Variants in ADAM10 observed in about 807,000 individuals in gnomAD.
ADAM10 encodes ADAM metallopeptidase domain 10, also known as disintegrin and metalloproteinase domain-containing protein 10.
Under a neutral mutation model 90.1 loss-of-function variants are expected in ADAM10, and 17 were observed. The observed-to-expected ratio is 0.19, with a 90% CI of 0.13 to 0.28. The LOEUF is 0.28. ADAM10 is among the 10% of genes least tolerant of loss of function. ADAM10 has a pLI of 1.00. For synonymous variants in ADAM10, 310 were observed against 298.6 expected (o/e 1.04, Z -0.40); for missense variants, 610 against 914.3 (o/e 0.67, Z 4.29).
At chr15:58,658,139 A>G (rs1896878371) in intron 5 of ADAM10, among the ~76,000 whole-genome samples, 3 of 151,886 alleles carry the variant, frequency 2.0e-5, no homozygotes, top group Non-Finnish European at 4.4e-5. Context: ...TCCTAGTTTT[A>G]GTTTTAGCTT....
chr15:58,703,463 T>C (rs1898188744), intron 2 of ADAM10, among the ~76,000 whole-genome samples: 2 of 152,104 alleles, frequency 1.3e-5, no homozygotes, highest in Admixed American at 6.5e-5. Context: ...AACAGATGAA[T>C]AGGTTTTTTT....
intron 14 of ADAM10, among the ~76,000 whole-genome samples, chr15:58,608,152 C>T (rs1445665826): frequency 1.3e-5 from 2 of 152,068 alleles, no homozygotes; most frequent in Non-Finnish European, 2.9e-5. Context: ...TAGCAGCAGT[C>T]AATAACCCAT....
intron 1 of ADAM10, among the ~76,000 whole-genome samples, chr15:58,720,122 TG>T (rs558550169): frequency 4.3e-4 from 66 of 152,248 alleles, no homozygotes; most frequent in South Asian, 2.1e-3. Flanking sequence ...TCTCAGGAGG[TG>T]GTTTTTTAAT....
Position 58,679,138 on chromosome 15 carries a change from T to A in ADAM10, c.470A>T (p.His157Leu), listed in dbSNP as rs202235871. 5.6e-6 allele frequency: 9 copies of A among 1,613,826 alleles called. No homozygotes were observed. Among genetic ancestry groups the A allele is most frequent in the Non-Finnish European group, 7.6e-6 (9 of 1,179,896 alleles). The change falls in exon 4 of 16, where the codon CAT becomes CTT. Residue 157 changes from histidine (H) to leucine (L), a missense_variant. His to Leu is a moderately conservative substitution (Grantham distance 99). Around this residue, in one of 4 missense-constraint regions of ADAM10, gnomAD observed 310 missense variants for 362.4 expected, o/e 0.86. Transcript: ENST00000260408. ...TAAGTACTTACTAATATCATCTTCA[T>A]GATAAATGACAGAGTGAAATGGCAG... ...RTLPFHSVIY[H>L]EDDINYPHKY... is the part of the protein sequence containing the mutation.
At chr15:58,668,600 A>G (rs1341016217) in intron 4 of ADAM10, among the ~76,000 whole-genome samples, 1 of 149,432 alleles carries the variant, frequency 6.7e-6, no homozygotes, top group Admixed American at 6.8e-5. Context: ...CCACCTCCCC[A>G]GGGAAGTCTT....
At chr15:58,638,142 G>A (rs1385910851) in intron 8 of ADAM10, among the ~76,000 whole-genome samples, 1 of 152,060 alleles carries the variant, frequency 6.6e-6, no homozygotes, top group Non-Finnish European at 1.5e-5. Flanking sequence ...TTAGAAGATG[G>A]CTTCCAAGAG....
chr15:58,666,224 A>T (rs1045887657), intron 4 of ADAM10, among the ~76,000 whole-genome samples: 14 of 149,916 alleles, frequency 9.3e-5, no homozygotes, highest in South Asian at 4.3e-4. Flanking sequence ...TTATAATTAC[A>T]CCACTGCATT....
chr15:58,681,450 T>G (rs1031428425), intron 3 of ADAM10, among the ~76,000 whole-genome samples: 4 of 152,212 alleles, frequency 2.6e-5, no homozygotes, highest in African/African-American at 9.6e-5. Context: ...TGTTACTATT[T>G]TCAGTAGAAA....
At chr15:58,604,348 G>T (rs1225464073) in intron 14 of ADAM10, among the ~76,000 whole-genome samples, 1 of 152,178 alleles carries the variant, frequency 6.6e-6, no homozygotes, top group African/African-American at 2.4e-5. Flanking sequence ...GTGGCTGAGT[G>T]AGACTCCATT....
chr15:58,640,529 A>G (rs1178948335), intron 8 of ADAM10, among the ~76,000 whole-genome samples: 1 of 152,094 alleles, frequency 6.6e-6, no homozygotes, highest in Non-Finnish European at 1.5e-5. Context: ...TCATAAAATT[A>G]TTTATTTCAT....
intron 2 of ADAM10, among the ~76,000 whole-genome samples, chr15:58,698,812 C>A (rs1225095386): frequency 1.3e-5 from 2 of 151,654 alleles, no homozygotes; most frequent in East Asian, 1.9e-4. Flanking sequence ...ATAAAGTGAC[C>A]AAATATTCAA....
In ADAM10 at chr15:58,597,302, A is replaced by T; in HGVS notation, c.*245T>A. On this transcript the variant is annotated 3_prime_UTR_variant, in exon 16 of 16. Transcript: ENST00000260408. ...TAATAATATTCTAAGACTTTGTGCC[A>T]TTAAGTTAAAAATATCTGTTCATAA... The T allele has an allele frequency of 7.5e-7, 1 of 1,331,378 alleles. No homozygotes were observed. Among genetic ancestry groups the T allele is most frequent in the South Asian group, 1.5e-5 (1 of 67,778 alleles). 82.5% of individuals were successfully genotyped at this position (1,331,378 alleles called of 1,614,324 possible). A position where few individuals can be genotyped will look rare whatever the true frequency, so the allele number is the denominator to read the frequency against.
At chr15:58,646,894 T>TAG (rs1397173800) in intron 5 of ADAM10, among the ~76,000 whole-genome samples, 1 of 152,222 alleles carries the variant, frequency 6.6e-6, no homozygotes, top group Admixed American at 6.5e-5. Flanking sequence ...TAGCCAACTC[T>TAG]AGCTGTCTGT....
intron 5 of ADAM10, 61 bp from the exon 6 acceptor site, chr15:58,646,265 T>C (rs2140696176): frequency 8.7e-6 from 13 of 1,496,194 alleles, no homozygotes; most frequent in Non-Finnish European, 1.1e-5. Context: ...TTTTATCTAA[T>C]TAAGAATACA....
At chr15:58,632,457 G>A (rs1214467407) in intron 9 of ADAM10, among the ~76,000 whole-genome samples, 1 of 152,192 alleles carries the variant, frequency 6.6e-6, no homozygotes, top group East Asian at 1.9e-4. Context: ...CCAGCAGCCT[G>A]TTTTTATATG....
At chr15:58,672,929 A>T (rs1391337593) in intron 4 of ADAM10, 1 of 199,470 alleles carries the variant, frequency 5.0e-6, no homozygotes, top group African/African-American at 2.3e-5. Context: ...ATCATAATGA[A>T]TAAGTTGGTT....
At position 58,593,964 on chromosome 15, in the gene ADAM10, T is replaced by C. The variant is rs1039152001; in HGVS notation, c.*3583A>G. ...ACTAAACTGGTAATAAACGGAAAAG[T>C]ATATCAAATGGAAGTTGTTTTTAAT... On this transcript the variant is annotated 3_prime_UTR_variant, in exon 16 of 16. Coordinates refer to ENST00000260408, the MANE Select transcript of ADAM10 (RefSeq NM_001110.4). 6.6e-6 allele frequency: 1 copy of C among 152,130 alleles called. No homozygotes were observed. The highest frequency in any genetic ancestry group is 1.5e-5 in the Non-Finnish European group (1 of 68,022). The allele number at this position is 152,130 out of a possible 1,614,324, so 9.4% of individuals were successfully genotyped here. A position where few individuals can be genotyped will look rare whatever the true frequency, so the allele number is the denominator to read the frequency against.
intron 2 of ADAM10, among the ~76,000 whole-genome samples, chr15:58,717,056 A>G (rs1471880302): frequency 2.0e-5 from 3 of 152,190 alleles, no homozygotes; most frequent in Admixed American, 6.5e-5. Context: ...AAGCATCTAG[A>G]ACACAACAGG....
chr15:58,621,262 CAAAAAAAAAAAAAA>C (rs749439192), intron 11 of ADAM10, among the ~76,000 whole-genome samples, 195 bp downstream of exon 11: 1 of 25,264 alleles, frequency 4.0e-5, no homozygotes, highest in African/African-American at 9.1e-5. Flanking sequence ...GACCCTGTCT[CAAAAAAAAAAAAAA>C]AAAAAAAAAA....
Sources: allele counts gnomAD v4.1 joint callset (sites outside exome capture counted in the v4.1 genomes callset), GRCh38; gene constraint gnomAD v4.1.1; regional missense constraint gnomAD v4.1.1; transcripts MANE v1.5; gene names NCBI Gene and HGNC (gene_info 2026-07-23, HGNC 2026-07-21).